APC: variants seen among roughly 807,000 people sequenced by gnomAD.
The protein encoded by APC is APC regulator of Wnt signaling pathway.
A neutral mutation model predicts 247.0 loss-of-function variants in APC; 72 were observed. The ratio of observed to expected loss-of-function variants is 0.29; its 90% CI spans 0.24 to 0.35. The LOEUF is 0.35. Ranked by LOEUF, APC falls within the 10% of genes least tolerant of loss-of-function variation. The pLI is 1.00. For synonymous variants in APC, 1,254 were observed against 1,162.5 expected, an observed-to-expected ratio of 1.08 and a Z score of -1.60; for missense variants, 3,400 against 3,360.7, an observed-to-expected ratio of 1.01 and a Z score of -0.29.
At chr5:112,825,245 G>C (rs577161154) in intron 11 of APC, among the ~76,000 whole-genome samples, 1 of 152,088 alleles carries the variant, frequency 6.6e-6, no homozygotes, top group Non-Finnish European at 1.5e-5. Flanking sequence ...TTCATCCCCA[G>C]TCCAAGCCAC....
chr5:112,772,524 T>TC (rs1163244162), intron 4 of APC, among the ~76,000 whole-genome samples: 1 of 151,872 alleles, frequency 6.6e-6, no homozygotes, highest in East Asian at 1.9e-4. Context: ...CTCTTTTTTT[T>TC]TTTTTTTTTT....
chr5:112,807,765 T>C (rs1331567926), intron 8 of APC, among the ~76,000 whole-genome samples: 1 of 151,798 alleles, frequency 6.6e-6, no homozygotes, highest in Non-Finnish European at 1.5e-5. Flanking sequence ...CTATTCACCT[T>C]AACCTCCCAT....
At chr5:112,828,098 C>T in intron 13 of APC, 92 bp downstream of exon 13, 1 of 1,033,754 alleles carries the variant, frequency 9.7e-7, no homozygotes, top group Non-Finnish European at 1.5e-6. Context: ...GGCAGTTGTG[C>T]AATCTCAGCT....
At position 112,707,587 on chromosome 5, in the gene APC, G is replaced by C. The variant is rs572582235; in HGVS notation, c.-131G>C. ...CCGCCGGAAGCCTAGCCGCTGCTCG[G>C]GGGGGACCTGCGGGCTCAGGCCCGG... On this transcript the variant is annotated 5_prime_UTR_variant, in exon 1 of 14. Transcript: ENST00000507379. 289 of 997,896 alleles carry C rather than the reference G, an allele frequency of 2.9e-4. No individual in the cohort carries two copies. Among genetic ancestry groups the C allele is most frequent in the Non-Finnish European group, 3.2e-4 (228 of 716,048 alleles). 61.8% of individuals were successfully genotyped at this position (997,896 alleles called of 1,614,324 possible).
chr5:112,731,643 C>G (rs1454806521), intron 1 of APC, among the ~76,000 whole-genome samples: 1 of 152,176 alleles, frequency 6.6e-6, no homozygotes. Flanking sequence ...ACTTATATGT[C>G]CTCACTGACC....
Position 112,810,325 on chromosome 5 carries a change from T to A in APC, c.835-5170T>A, listed in dbSNP as rs973231075. ...ATATATACGCAGGTAATTTTAAGGT[T>A]CTGGTTAGCAAGAAGTTGAGGAAAT... On this transcript the variant is annotated intron_variant, in intron 8 of 15. Transcript: ENST00000257430. 6 of 230,448 alleles carry A rather than the reference T, an allele frequency of 2.6e-5. 1 individual carries two copies. Among genetic ancestry groups the A allele is most frequent in the Admixed American group, 1.1e-4 (2 of 19,022 alleles). The allele number at this position is 230,448 out of a possible 1,614,324, so 14.3% of individuals were successfully genotyped here.
intron 1 of APC, among the ~76,000 whole-genome samples, chr5:112,752,579 G>T (rs1754497945): frequency 6.6e-6 from 1 of 152,164 alleles, no homozygotes; most frequent in Non-Finnish European, 1.5e-5. Context: ...CCATTTCATG[G>T]TGTGTGGCAG....
In APC at chr5:112,746,935, G is replaced by A. The variant is rs140424452; in HGVS notation, c.-18-7938G>A. 5.0e-3 allele frequency among the ~76,000 whole-genome samples: 668 copies of A among 133,220 alleles called. 3 individuals are homozygous for A. The highest frequency in any genetic ancestry group is 0.011 in the Middle Eastern group (3 of 262). The allele number at this position is 133,220 out of a possible 152,430, so 87.4% of individuals were successfully genotyped here. A position where few individuals can be genotyped will look rare whatever the true frequency, so the allele number is the denominator to read the frequency against. On this transcript the variant is annotated intron_variant, in intron 1 of 15. Coordinates refer to ENST00000257430, the MANE Select transcript of APC (RefSeq NM_000038.6). Reference sequence around the variant, plus strand: ...TGGAATTCATAGAATCATTTGATAAGGTGGCCACACAAGGGTTATGAGTTA... The same window carrying A: ...TGGAATTCATAGAATCATTTGATAAAGTGGCCACACAAGGGTTATGAGTTA...
chr5:112,793,263 AC>A (rs1365487741), intron 7 of APC, among the ~76,000 whole-genome samples: 4 of 152,086 alleles, frequency 2.6e-5, no homozygotes, highest in African/African-American at 9.7e-5. Context: ...TTAGGGGTCA[AC>A]CTTGTTTAAT....
intron 1 of APC, among the ~76,000 whole-genome samples, chr5:112,746,644 A>G (rs1389779930): frequency 2.0e-5 from 3 of 152,240 alleles, no homozygotes; most frequent in Non-Finnish European, 4.4e-5. Flanking sequence ...AGCAACCACT[A>G]CTAACAAAAA....
chr5:112,840,061 A>G lies in APC; in HGVS notation c.4467A>G (p.Leu1489=), dbSNP rs2149915458. The change falls in exon 16 of 16, where the codon TTA becomes TTG. Residue 1489 remains leucine (L), a synonymous_variant. Coordinates refer to ENST00000257430, the MANE Select transcript of APC (RefSeq NM_000038.6). This position sits in a 1 kb window ranked among gnomAD's most constrained non-coding sequence, Gnocchi z 4.1. ...TTCTTCCAGATGCTGATACTTTATTACATTTTGCCACGGAAAGTACTCCAG... is the reference window on the plus strand; with the variant it reads ...TTCTTCCAGATGCTGATACTTTATTGCATTTTGCCACGGAAAGTACTCCAG... ...VQVLPDADTL[L]HFATESTPDG... is the part of the protein sequence containing the mutation. The G allele has an allele frequency of 1.2e-6, 2 of 1,614,138 alleles. No homozygotes were observed. Among genetic ancestry groups the G allele is most frequent in the Non-Finnish European group, 8.5e-7 (1 of 1,180,004 alleles).
intron 1 of APC, among the ~76,000 whole-genome samples, chr5:112,727,022 A>G (rs1751823765): frequency 6.6e-6 from 1 of 152,000 alleles, no homozygotes; most frequent in Non-Finnish European, 1.5e-5. Flanking sequence ...AGTCTATAAT[A>G]TATATTAGAT....
At chr5:112,717,349 AT>A (rs1326794205) in intron 1 of APC, among the ~76,000 whole-genome samples, 1 of 151,806 alleles carries the variant, frequency 6.6e-6, no homozygotes, top group Non-Finnish European at 1.5e-5. Flanking sequence ...TTTCTTCCTC[AT>A]TATTGTTGTT....
chr5:112,724,530 A>G (rs779967924), intron 1 of APC, among the ~76,000 whole-genome samples: 8 of 151,832 alleles, frequency 5.3e-5, no homozygotes, highest in Non-Finnish European at 1.2e-4. Context: ...TTTAGTGAGA[A>G]AGAGCAATAT....
chr5:112,771,327 T>TGAAA (rs1484478694), intron 4 of APC, among the ~76,000 whole-genome samples: 124 of 152,300 alleles, frequency 8.1e-4, no homozygotes, highest in African/African-American at 2.8e-3. Flanking sequence ...AAATAAATTT[T>TGAAA]TATTGGAGCC....
At chr5:112,720,142 A>G (rs1053524035) in intron 1 of APC, among the ~76,000 whole-genome samples, 1 of 152,202 alleles carries the variant, frequency 6.6e-6, no homozygotes, top group African/African-American at 2.4e-5. Context: ...TAACATACCA[A>G]TATATTTTTC....
intron 11 of APC, 121 bp from the exon 12 acceptor site, chr5:112,826,987 A>T: frequency 1.1e-6 from 1 of 947,398 alleles, no homozygotes; most frequent in Non-Finnish European, 1.6e-6. Context: ...TCTAAAGGCA[A>T]ATTTAAACCA....
At chr5:112,818,858 G>GTTTTTTTTTTT in intron 9 of APC, 108 bp from the exon 10 acceptor site, 1 of 995,218 alleles carries the variant, frequency 1.0e-6, no homozygotes, top group Non-Finnish European at 1.5e-6. Context: ...GGGGGGGGTT[G>GTTTTTTTTTTT]TTTTGTTTTT....
chr5:112,767,944 G>A (rs1442609429), intron 4 of APC, among the ~76,000 whole-genome samples: 5 of 151,942 alleles, frequency 3.3e-5, no homozygotes, highest in African/African-American at 9.7e-5. Flanking sequence ...AGATACTTTG[G>A]CCCACACCTG....
Sources: gnomAD v4.1 joint callset for allele counts (sites outside exome capture counted in the v4.1 genomes callset) on GRCh38, gnomAD v4.1.1 for gene constraint, Gnocchi (gnomAD v3.1) non-coding constraint, MANE v1.5 for transcripts, NCBI Gene and HGNC (gene_info 2026-07-23, HGNC 2026-07-21) for gene names.